Variants in EVL observed in about 807,000 individuals in gnomAD.
The protein encoded by EVL is ena/VASP-like protein.
Under a neutral mutation model 59.6 loss-of-function variants are expected in EVL, and 21 were observed. The ratio of observed to expected loss-of-function variants is 0.35; its 90% CI spans 0.25 to 0.51. The LOEUF (loss-of-function observed/expected upper bound fraction) is 0.51, where lower values mean the gene tolerates loss of function less well. EVL is among the 20% of genes least tolerant of loss of function. The probability of loss-of-function intolerance (pLI) is 0.97; values close to 1 mark genes in which losing one functional copy is unlikely to be tolerated. For synonymous variants in EVL, 198 were observed against 203.5 expected, an observed-to-expected ratio of 0.97 and a Z score of 0.23; for missense variants, 462 against 546.6, an observed-to-expected ratio of 0.85 and a Z score of 1.54.
chr14:100,080,607 G>C (rs943578972), intron 1 of EVL, among the ~76,000 whole-genome samples: 8 of 152,228 alleles, frequency 5.3e-5, no homozygotes, highest in Admixed American at 3.3e-4. Flanking sequence ...TACAGGTGCA[G>C]ATTATATGGG....
At chr14:100,017,052 G>A (rs977824609) in intron 1 of EVL, among the ~76,000 whole-genome samples, 1 of 152,246 alleles carries the variant, frequency 6.6e-6, no homozygotes, top group African/African-American at 2.4e-5. Flanking sequence ...GCATGTTGGA[G>A]TTAGCTCAGC....
chr14:100,095,182 A>G, intron 2 of EVL, among the ~76,000 whole-genome samples: 1 of 152,248 alleles, frequency 6.6e-6, no homozygotes, highest in East Asian at 1.9e-4. Context: ...ACACTAAAGT[A>G]TCTTTTATCT....
rs868306407 is a variant in EVL, at chr14:100,130,256, G to A, written c.839+572G>A. 6.6e-6 allele frequency among the ~76,000 whole-genome samples: 1 copy of A among 152,140 alleles called. No homozygotes were observed. The highest frequency in any genetic ancestry group is 2.4e-5 in the African/African-American group (1 of 41,458). ...CATGTGTGTCTGCTCGCTGCAGCGG[G>A]TGTGGCTGCAGCCTGCCATTGTGGC... On this transcript the variant is annotated intron_variant, in intron 7 of 13. Coordinates refer to ENST00000392920, the MANE Select transcript of EVL (RefSeq NM_016337.3). This position sits in a 1 kb window ranked among gnomAD's most constrained non-coding sequence, Gnocchi z 4.8.
intron 1 of EVL, among the ~76,000 whole-genome samples, chr14:100,058,538 A>G (rs1275316776): frequency 2.0e-5 from 3 of 152,206 alleles, no homozygotes; most frequent in South Asian, 2.1e-4. Flanking sequence ...TGCTCACTAA[A>G]TTGCGTCACA....
chr14:100,014,621 G>C (rs1428511563), intron 1 of EVL, among the ~76,000 whole-genome samples: 1 of 152,202 alleles, frequency 6.6e-6, no homozygotes, highest in Non-Finnish European at 1.5e-5. Flanking sequence ...TCAGTATACT[G>C]ATTTCCTTTC....
intron 1 of EVL, among the ~76,000 whole-genome samples, chr14:100,072,560 G>A (rs368398058): frequency 2.0e-5 from 3 of 152,124 alleles, no homozygotes; most frequent in Non-Finnish European, 4.4e-5. Flanking sequence ...GTAAAGTGTT[G>A]ATTTTCTTTG....
intron 1 of EVL, among the ~76,000 whole-genome samples, chr14:100,004,632 C>G (rs1312010970): frequency 6.6e-6 from 1 of 152,158 alleles, no homozygotes; most frequent in East Asian, 1.9e-4. Context: ...GAATGTCCCT[C>G]TTTCTTAAAT....
intron 1 of EVL, among the ~76,000 whole-genome samples, chr14:99,980,003 T>C (rs990487489): frequency 6.6e-6 from 1 of 152,242 alleles, no homozygotes; most frequent in East Asian, 1.9e-4. Flanking sequence ...ATTTGCATTG[T>C]ATTAGGTGTT....
At chr14:100,105,853 T>C (rs1383580068) in intron 3 of EVL, among the ~76,000 whole-genome samples, 1 of 152,038 alleles carries the variant, frequency 6.6e-6, no homozygotes, top group Non-Finnish European at 1.5e-5. Context: ...CCCAACTGAA[T>C]AGGGAACATG....
chr14:100,016,480 G>T (rs1033486847), intron 1 of EVL, among the ~76,000 whole-genome samples: 1 of 152,164 alleles, frequency 6.6e-6, no homozygotes, highest in Non-Finnish European at 1.5e-5. Flanking sequence ...AGTGAGCTGA[G>T]ATTGCGCCAC....
intron 1 of EVL, among the ~76,000 whole-genome samples, chr14:100,025,971 T>TG (rs1395454607): frequency 2.6e-5 from 4 of 151,556 alleles, no homozygotes; most frequent in Non-Finnish European, 1.5e-5. Context: ...ACAGCTGTGG[T>TG]GGGGCACAGT....
intron 2 of EVL, among the ~76,000 whole-genome samples, chr14:100,094,855 C>T (rs1885692769): frequency 6.6e-6 from 1 of 152,094 alleles, no homozygotes; most frequent in Non-Finnish European, 1.5e-5. Flanking sequence ...TCCCAGCTAA[C>T]ACAGTGAAGC....
intron 1 of EVL, among the ~76,000 whole-genome samples, chr14:100,034,096 C>T (rs1052317710): frequency 2.0e-5 from 3 of 151,414 alleles, no homozygotes; most frequent in Non-Finnish European, 2.9e-5. Flanking sequence ...AAAAAACAGG[C>T]GTGGTGATGG....
At chr14:100,132,875 C>A (rs572160062) in intron 8 of EVL, 96 bp downstream of exon 8, 3 of 1,364,056 alleles carry the variant, frequency 2.2e-6, no homozygotes, top group South Asian at 1.2e-5. Flanking sequence ...TTGGGACATG[C>A]GTGGGATGGG....
At chr14:100,117,066 A>G (rs923350146) in intron 3 of EVL, among the ~76,000 whole-genome samples, 15 of 152,338 alleles carry the variant, frequency 9.8e-5, no homozygotes, top group African/African-American at 3.6e-4. Flanking sequence ...GGAGTGCACC[A>G]GGGCTGCCAG....
At chr14:100,097,396 A>T in intron 2 of EVL, 85 bp from the exon 3 acceptor site, 1 of 1,203,190 alleles carries the variant, frequency 8.3e-7, no homozygotes, top group Non-Finnish European at 1.2e-6. Flanking sequence ...TCTCAAGGAT[A>T]CAGTATACTT....
intron 1 of EVL, among the ~76,000 whole-genome samples, chr14:100,002,717 A>G (rs985178414): frequency 6.6e-6 from 1 of 152,248 alleles, no homozygotes; most frequent in African/African-American, 2.4e-5. Context: ...TCCAATATCA[A>G]GGGTTTAAAA....
chr14:99,976,575 C>A (rs2140167040), intron 1 of EVL, among the ~76,000 whole-genome samples: 1 of 151,990 alleles, frequency 6.6e-6, no homozygotes, highest in East Asian at 1.9e-4. Context: ...ATCATATTTG[C>A]AAAATTATTT....
At chr14:100,028,268 G>A (rs2061253768) in intron 1 of EVL, among the ~76,000 whole-genome samples, 1 of 151,428 alleles carries the variant, frequency 6.6e-6, no homozygotes, top group Non-Finnish European at 1.5e-5. Context: ...CTTATTGGCT[G>A]TCTTTTTGAT....
Sources: allele counts gnomAD v4.1 joint callset (sites outside exome capture counted in the v4.1 genomes callset), GRCh38; gene constraint gnomAD v4.1.1; non-coding constraint Gnocchi (gnomAD v3.1); transcripts MANE v1.5; gene names NCBI Gene and HGNC (gene_info 2026-07-23, HGNC 2026-07-21).